The following TRIM49B variants were observed in gnomAD, a reference collection of about 807,000 sequenced individuals.
TRIM49B encodes putative tripartite motif-containing protein 49B.
TRIM49B carries 18 observed loss-of-function variants against 31.8 expected under a neutral mutation model. The ratio of observed to expected loss-of-function variants is 0.57; its 90% CI spans 0.39 to 0.84. The LOEUF is 0.84. Ranked by LOEUF, TRIM49B falls within the 40% of genes least tolerant of loss-of-function variation. The pLI is 0.00. For synonymous variants in TRIM49B, 196 were observed against 180.6 expected (o/e 1.09, Z -0.68); for missense variants, 494 against 538.7 (o/e 0.92, Z 0.82).
intron 5 of TRIM49B, among the ~76,000 whole-genome samples, chr11:49,035,543 T>G (rs1188211240): frequency 6.6e-6 from 1 of 151,836 alleles, no homozygotes; most frequent in Non-Finnish European, 1.5e-5. Flanking sequence ...GTATTTTTAG[T>G]AGAGACGGGG....
intron 6 of TRIM49B, among the ~76,000 whole-genome samples, chr11:49,037,017 A>G (rs7122058): frequency 0.032 from 4,817 of 152,312 alleles, 258 homozygotes; most frequent in African/African-American, 0.11. Flanking sequence ...GAGACTGGTC[A>G]AAGATTTTGC....
chr11:49,035,591 C>T (rs1400020028), intron 5 of TRIM49B, among the ~76,000 whole-genome samples: 1 of 151,800 alleles, frequency 6.6e-6, no homozygotes, highest in Non-Finnish European at 1.5e-5. Flanking sequence ...ATCTCCTGAC[C>T]CCGTGATCCG....
chr11:49,031,924 A>G lies in TRIM49B; in HGVS notation c.325A>G (p.Ser109Gly). Residue 109 changes from serine (S) to glycine (G), a missense_variant, in exon 2 of 7, where the codon AGC (serine) becomes GGC (glycine). Physicochemically the swap from Ser to Gly is moderately conservative, Grantham distance 56. Coordinates refer to ENST00000332682, the MANE Select transcript of TRIM49B (RefSeq NM_001206626.2). ...TKKMFCEVDR[S>G]LLCLLCSSSQ... ...GAAGATGTTCTGTGAAGTGGACAGGAGCCTGCTCTGTTTGCTGTGCTCCAG... is the reference window on the plus strand; with the variant it reads ...GAAGATGTTCTGTGAAGTGGACAGGGGCCTGCTCTGTTTGCTGTGCTCCAG... 6.2e-7 allele frequency: 1 copy of G among 1,612,132 alleles called. No individual in the cohort carries two copies. The highest frequency in any genetic ancestry group is 8.5e-7 in the Non-Finnish European group (1 of 1,179,822).
At chr11:49,034,041 C>T in intron 3 of TRIM49B, 105 bp from the exon 4 acceptor site, 3 of 1,589,192 alleles carry the variant, frequency 1.9e-6, no homozygotes, top group Non-Finnish European at 2.6e-6. Flanking sequence ...ACTGGCAAGA[C>T]AGAGGTTTGA....
At chr11:49,033,665 A>T (rs1400116887) in intron 3 of TRIM49B, among the ~76,000 whole-genome samples, 1 of 152,218 alleles carries the variant, frequency 6.6e-6, no homozygotes, top group African/African-American at 2.4e-5. Flanking sequence ...GGAGACAAAG[A>T]TGGCCAAATC....
chr11:49,032,134 T>G, intron 2 of TRIM49B, 124 bp downstream of exon 2: 1 of 1,583,746 alleles, frequency 6.3e-7, no homozygotes, highest in Non-Finnish European at 8.6e-7. Flanking sequence ...TGGGCTTTCT[T>G]AGCTTCCAAC....
intron 1 of TRIM49B, among the ~76,000 whole-genome samples, chr11:49,029,198 A>G (rs1298579441): frequency 6.6e-6 from 1 of 152,216 alleles, no homozygotes; most frequent in Non-Finnish European, 1.5e-5. Flanking sequence ...GTTTGCTGCA[A>G]CAGATATGTA....
At chr11:49,031,321 G>C (rs191254811) in intron 1 of TRIM49B, among the ~76,000 whole-genome samples, 1 of 152,102 alleles carries the variant, frequency 6.6e-6, no homozygotes, top group Non-Finnish European at 1.5e-5. Context: ...CCAGATCTAC[G>C]TTCAGAAAAT....
intron 1 of TRIM49B, among the ~76,000 whole-genome samples, chr11:49,031,076 C>T (rs893352259): frequency 3.3e-5 from 5 of 151,586 alleles, no homozygotes; most frequent in African/African-American, 1.2e-4. Context: ...AACTGCAGGA[C>T]TTGCAGGCTT....
At chr11:49,035,970 C>G (rs1453420254) in intron 5 of TRIM49B, among the ~76,000 whole-genome samples, 1 of 131,066 alleles carries the variant, frequency 7.6e-6, no homozygotes, top group Non-Finnish European at 1.6e-5. Flanking sequence ...CCCCAGAACC[C>G]CGCTATTTCA....
chr11:49,035,223 T>G, intron 5 of TRIM49B, 106 bp downstream of exon 5: 24 of 1,557,724 alleles, frequency 1.5e-5, no homozygotes, highest in Non-Finnish European at 1.9e-5. Flanking sequence ...ATAATTAAGA[T>G]ATTGATACCA....
chr11:49,029,629 A>C (rs1478757706), intron 1 of TRIM49B, among the ~76,000 whole-genome samples: 1 of 152,242 alleles, frequency 6.6e-6, no homozygotes, highest in Non-Finnish European at 1.5e-5. Context: ...ACTTAAATTC[A>C]GAAGTGATAT....
rs1050832741 is a variant in TRIM49B at position 49,031,912 on chromosome 11, G to T, written c.313G>T (p.Glu105Ter). Residue 105 changes from glutamate to a stop codon, truncating the protein, a stop_gained, in exon 2 of 7, where the codon GAA (glutamate) becomes TAA (stop). Transcript: ENST00000332682. LOFTEE classifies it high-confidence loss of function. Reference sequence around the variant, plus strand: ...CAGGGAGACAAAGAAGATGTTCTGTGAAGTGGACAGGAGCCTGCTCTGTTT... The same window carrying T: ...CAGGGAGACAAAGAAGATGTTCTGTTAAGTGGACAGGAGCCTGCTCTGTTT... The part of the protein sequence containing the change: ...THRETKKMFC[E>*]VDRSLLCLLC... The T allele has an allele frequency of 1.2e-6, 2 of 1,612,338 alleles. No individual in the cohort carries two copies. The highest frequency in any genetic ancestry group is 2.7e-5 in the African/African-American group (2 of 74,872).
At position 49,031,583 on chromosome 11, in the gene TRIM49B, C is replaced by G; in HGVS notation, c.-4-13C>G. 6.2e-7 allele frequency: 1 copy of G among 1,612,570 alleles called. No individual in the cohort carries two copies. The highest frequency in any genetic ancestry group is 1.3e-5 in the African/African-American group (1 of 74,922). On this transcript the variant is annotated splice_polypyrimidine_tract_variant and intron_variant, in intron 1 of 6. Transcript: ENST00000332682. ...CCAGGCCCCAAAATGACATGTTTCT[C>G]TTTGTTCCTCAGAAACATGAATTCT...
In TRIM49B at chr11:49,037,952, C is replaced by G. The variant is rs763442311; in HGVS notation, c.1334C>G (p.Pro445Arg). The change falls in exon 7 of 7, where the codon CCT (proline) becomes CGT (arginine). Residue 445 changes from proline to arginine, a missense_variant. Around this residue, in one of 3 missense-constraint regions of TRIM49B, gnomAD observed 233 missense variants for 281.4 expected, o/e 0.83. Coordinates refer to ENST00000332682, the MANE Select transcript of TRIM49B (RefSeq NM_001206626.2). ...TGCTCTTTCTCACCTCCTCTCAGGC[C>G]TATCTTTTGCTGTATTCACTTCTGA... ...PNCSFSPPLR[P>R]IFCCIHF is the part of the protein sequence containing the mutation. The G allele has an allele frequency of 1.9e-6, 3 of 1,611,892 alleles. No homozygotes were observed. The highest frequency in any genetic ancestry group is 2.5e-6 in the Non-Finnish European group (3 of 1,179,194).
Position 49,032,381 on chromosome 11 carries a change from G to C in TRIM49B, c.507+10G>C, listed in dbSNP as rs564847494. The C allele has an allele frequency of 6.2e-7, 1 of 1,612,024 alleles. No individual in the cohort carries two copies. Among genetic ancestry groups the C allele is most frequent in the Non-Finnish European group, 8.5e-7 (1 of 1,179,376 alleles). On this transcript the variant is annotated intron_variant, in intron 3 of 6. Coordinates refer to ENST00000332682, the MANE Select transcript of TRIM49B (RefSeq NM_001206626.2). ...AACCAGATGCTGGAAGGTTAGTCCT[G>C]TACTACTCTACCTTCTCCAGGAACT...
chr11:49,037,322 T>C (rs1352724532), intron 6 of TRIM49B, among the ~76,000 whole-genome samples, 156 bp from the exon 7 acceptor site: 1 of 152,192 alleles, frequency 6.6e-6, no homozygotes, highest in African/African-American at 2.4e-5. Flanking sequence ...TAGGGTTCTG[T>C]TTGTCTTGTA....
chr11:49,031,156 A>G (rs1262057817), intron 1 of TRIM49B, among the ~76,000 whole-genome samples: 2 of 152,050 alleles, frequency 1.3e-5, no homozygotes, highest in Non-Finnish European at 2.9e-5. Context: ...AAAATATGTC[A>G]TAGAACCATC....
Position 49,032,472 on chromosome 11 carries a change from T to G in TRIM49B, c.507+101T>G, listed in dbSNP as rs1450000106. 21 of 1,488,264 alleles carry G rather than the reference T, an allele frequency of 1.4e-5. No homozygotes were observed. In the African/African-American group the frequency reaches 3.9e-4, roughly 27 times the overall value. The allele number at this position is 1,488,264 out of a possible 1,614,324, so 92.2% of individuals were successfully genotyped here. ...TATCAAACTGTAATGTTTCTGGGAT[T>G]CAGTAAAAAAAAAAGAAAAAAAAAG... On this transcript the variant is annotated intron_variant, in intron 3 of 6. Coordinates refer to ENST00000332682, the MANE Select transcript of TRIM49B (RefSeq NM_001206626.2).
Sources: gnomAD v4.1 joint callset for allele counts (sites outside exome capture counted in the v4.1 genomes callset) on GRCh38, gnomAD v4.1.1 for gene constraint, gnomAD v4.1.1 regional missense constraint, MANE v1.5 for transcripts, NCBI Gene and HGNC (gene_info 2026-07-23, HGNC 2026-07-21) for gene names.